Variants in ANO2 observed in about 807,000 individuals in gnomAD.
ANO2 encodes anoctamin 2.
In ANO2, 101 loss-of-function variants were observed where a neutral mutation model predicts 124.2. The observed-to-expected ratio is 0.81, with a 90% CI of 0.69 to 0.96. The LOEUF is 0.96. Ranked by LOEUF, ANO2 falls within the 40% of genes least tolerant of loss-of-function variation. The pLI is 0.00. For missense variants in ANO2, 1,293 were observed against 1,274.5 expected (o/e 1.01, Z -0.22); for synonymous variants, 486 against 482.5 (o/e 1.01, Z -0.09).
intron 3 of ANO2, among the ~76,000 whole-genome samples, chr12:5,880,053 G>A (rs1244469033): frequency 2.6e-5 from 4 of 152,152 alleles, no homozygotes; most frequent in Non-Finnish European, 4.4e-5. Flanking sequence ...AAACAGATAC[G>A]GGAAATGGAA....
At chr12:5,834,328 G>A (rs888043090) in intron 4 of ANO2, among the ~76,000 whole-genome samples, 2 of 152,150 alleles carry the variant, frequency 1.3e-5, no homozygotes, top group Non-Finnish European at 2.9e-5. Context: ...ATAGCTTCAC[G>A]TTACTTCAAT....
intron 19 of ANO2, among the ~76,000 whole-genome samples, chr12:5,605,344 T>G (rs1209846347): frequency 6.6e-6 from 1 of 152,210 alleles, no homozygotes; most frequent in African/African-American, 2.4e-5. Flanking sequence ...AATATAACAT[T>G]TATCACATTT....
At chr12:5,878,720 T>G (rs1011738150) in intron 3 of ANO2, among the ~76,000 whole-genome samples, 3 of 152,208 alleles carry the variant, frequency 2.0e-5, no homozygotes, top group African/African-American at 7.2e-5. Flanking sequence ...ATTCCCACAC[T>G]GATTTACACA....
At position 5,921,306 on chromosome 12, in the gene ANO2, T is replaced by G; in HGVS notation, c.268A>C (p.Met90Leu). 1 of 1,613,948 alleles carries G rather than the reference T, an allele frequency of 6.2e-7. No individual in the cohort carries two copies. The highest frequency in any genetic ancestry group is 8.5e-7 in the Non-Finnish European group (1 of 1,179,884). The change falls in exon 3 of 25, where the codon ATG becomes CTG. Residue 90 changes from methionine (M) to leucine (L), a missense_variant. Physicochemically the swap from Met to Leu is conservative, Grantham distance 15 (BLOSUM62 2). Coordinates refer to ENST00000682330, the MANE Select transcript of ANO2 (RefSeq NM_001364791.2). The stretch of plus-strand genomic sequence containing the variant: ...TTCCTCTGACTGTCATGGAAGTGCA[T>G]GCGGCTAAGACGGGCCTCCAAGGAC... ...PVSLEARLSR[M>L]HFHDSQRKVD...
At chr12:5,922,589 T>TCCCCCCCCCC in intron 2 of ANO2, 31 bp downstream of exon 2, 1 of 1,449,812 alleles carries the variant, frequency 6.9e-7, no homozygotes, top group African/African-American at 1.5e-5. Context: ...GGCTGGCCTA[T>TCCCCCCCCCC]CCCCCCACCC....
chr12:5,770,377 A>G (rs1952040872), intron 10 of ANO2, among the ~76,000 whole-genome samples: 1 of 152,164 alleles, frequency 6.6e-6, no homozygotes, highest in Admixed American at 6.5e-5. Flanking sequence ...TCCCAAGGTT[A>G]ACAAGATCAA....
chr12:5,732,861 C>A (rs1950700715), intron 13 of ANO2: 2 of 1,613,962 alleles, frequency 1.2e-6, no homozygotes, highest in Non-Finnish European at 1.7e-6. Context: ...CACTGAAAAC[C>A]AAACCTGGGC....
At chr12:5,628,253 C>A (rs576756953) in intron 16 of ANO2, among the ~76,000 whole-genome samples, 1 of 152,218 alleles carries the variant, frequency 6.6e-6, no homozygotes, top group African/African-American at 2.4e-5. Flanking sequence ...TCACAGCTTG[C>A]CTCCCTGCTG....
intron 16 of ANO2, among the ~76,000 whole-genome samples, chr12:5,631,634 G>A (rs1945723426): frequency 6.6e-6 from 1 of 152,200 alleles, no homozygotes; most frequent in African/African-American, 2.4e-5. Flanking sequence ...GGAAGTGGGA[G>A]GATGACCACT....
intron 17 of ANO2, 118 bp downstream of exon 17, chr12:5,615,068 C>A (rs931972226): frequency 1.5e-6 from 1 of 670,222 alleles, no homozygotes; most frequent in South Asian, 2.2e-5. Context: ...GAAAGTGGGG[C>A]GGAGAAGGGG....
chr12:5,805,434 T>C (rs1953161527), intron 9 of ANO2, among the ~76,000 whole-genome samples: 1 of 152,024 alleles, frequency 6.6e-6, no homozygotes, highest in South Asian at 2.1e-4. Context: ...CCATTTTCCT[T>C]CCCCTAACTG....
intron 12 of ANO2, among the ~76,000 whole-genome samples, chr12:5,741,772 C>T (rs569601725): frequency 1.3e-5 from 2 of 152,282 alleles, no homozygotes; most frequent in South Asian, 2.1e-4. Context: ...GGTATTATTT[C>T]GCTCAATTTA....
At chr12:5,895,214 G>C (rs902364599) in intron 3 of ANO2, among the ~76,000 whole-genome samples, 3 of 152,110 alleles carry the variant, frequency 2.0e-5, no homozygotes, top group Non-Finnish European at 4.4e-5. Context: ...CACATCCCTT[G>C]TAAGTTGTAT....
chr12:5,744,155 AC>A lies in ANO2; in HGVS notation c.1351+1del. ...TAAGCAAGCCTGGTGATGGCCACATACCCCACAGAGCCATGAAGATAGAGAA... is the reference window on the plus strand; with the variant it reads ...TAAGCAAGCCTGGTGATGGCCACATACCCACAGAGCCATGAAGATAGAGAA... On this transcript the variant is annotated splice_donor_variant, in intron 12 of 24. Coordinates refer to ENST00000682330, the MANE Select transcript of ANO2 (RefSeq NM_001364791.2). LOFTEE classifies it high-confidence loss of function. The A allele has an allele frequency of 6.2e-7, 1 of 1,613,884 alleles. No individual in the cohort carries two copies. The highest frequency in any genetic ancestry group is 1.1e-5 in the South Asian group (1 of 91,084).
intron 4 of ANO2, among the ~76,000 whole-genome samples, chr12:5,842,319 T>C (rs986292733): frequency 3.3e-5 from 5 of 152,174 alleles, no homozygotes; most frequent in African/African-American, 4.8e-5. Flanking sequence ...TAAATATTCA[T>C]TGGATGGTCG....
intron 14 of ANO2, among the ~76,000 whole-genome samples, chr12:5,685,785 C>CAACAA (rs1565566286): frequency 7.3e-6 from 1 of 137,658 alleles, no homozygotes; most frequent in African/African-American, 2.5e-5. Context: ...TCAACAACAA[C>CAACAA]AACAAAACAA....
chr12:5,868,003 A>C (rs1308093459), intron 3 of ANO2, among the ~76,000 whole-genome samples: 2 of 152,170 alleles, frequency 1.3e-5, no homozygotes, highest in Non-Finnish European at 2.9e-5. Flanking sequence ...TCAATAGCAC[A>C]ATGGATAACT....
Position 5,627,435 on chromosome 12 carries a change from T to C in ANO2, c.1816+7717A>G, listed in dbSNP as rs536635054. Among the ~76,000 whole-genome samples, 7 of 152,274 alleles carry C rather than the reference T, an allele frequency of 4.6e-5. No individual in the cohort carries two copies. In the East Asian group the frequency reaches 7.7e-4, roughly 17 times the overall value. ...ACTGTGGCGTCCCCGCAGAGAGGCA[T>C]AGGCCCCATTCCCCTCTGCAGCCCA... On this transcript the variant is annotated intron_variant, in intron 16 of 24. Coordinates refer to ENST00000682330, the MANE Select transcript of ANO2 (RefSeq NM_001364791.2).
intron 3 of ANO2, among the ~76,000 whole-genome samples, chr12:5,903,277 T>C (rs1387715812): frequency 6.6e-6 from 1 of 152,096 alleles, no homozygotes; most frequent in African/African-American, 2.4e-5. Flanking sequence ...TCTTTGGACC[T>C]GATATTAAGA....
Sources: gnomAD v4.1 joint callset for allele counts (sites outside exome capture counted in the v4.1 genomes callset) on GRCh38, gnomAD v4.1.1 for gene constraint, MANE v1.5 for transcripts, NCBI Gene and HGNC (gene_info 2026-07-23, HGNC 2026-07-21) for gene names.